The following SOX6 variants were observed in gnomAD, a reference collection of about 807,000 sequenced individuals.
SOX6 encodes SRY-box transcription factor 6, also known as transcription factor SOX-6.
Under a neutral mutation model 97.8 loss-of-function variants are expected in SOX6, and 11 were observed. The observed-to-expected ratio is 0.11, with a 90% CI of 0.07 to 0.19. SOX6 has a LOEUF of 0.19. SOX6 is among the 10% of genes least tolerant of loss of function. The pLI is 1.00. For synonymous variants in SOX6, 360 were observed against 371.4 expected, an observed-to-expected ratio of 0.97 and a Z score of 0.35; for missense variants, 810 against 1,039.5, an observed-to-expected ratio of 0.78 and a Z score of 3.04.
intron 4 of SOX6, among the ~76,000 whole-genome samples, chr11:16,510,160 G>A (rs2133150624): frequency 6.6e-6 from 1 of 152,090 alleles, no homozygotes; most frequent in Admixed American, 6.6e-5. Flanking sequence ...TTCAGAAGCT[G>A]TTAATTCACA....
At chr11:16,555,875 T>G (rs1323033564) in intron 4 of SOX6, among the ~76,000 whole-genome samples, 3 of 151,754 alleles carry the variant, frequency 2.0e-5, no homozygotes, top group Non-Finnish European at 3.0e-5. Flanking sequence ...TTGTTAAGTC[T>G]ATATCCAGAT....
intron 12 of SOX6, among the ~76,000 whole-genome samples, chr11:16,027,442 T>G (rs1340183310): frequency 6.6e-6 from 1 of 152,194 alleles, no homozygotes; most frequent in African/African-American, 2.4e-5. Context: ...AATTCAAGAA[T>G]GTTCTTAGTT....
At chr11:16,690,378 T>C (rs927501368) in intron 3 of SOX6, among the ~76,000 whole-genome samples, 2 of 152,226 alleles carry the variant, frequency 1.3e-5, no homozygotes, top group African/African-American at 4.8e-5. Context: ...CAGACTATTA[T>C]CTCTTTCATC....
chr11:16,422,705 G>A (rs990425640), intron 1 of SOX6, among the ~76,000 whole-genome samples: 1 of 152,160 alleles, frequency 6.6e-6, no homozygotes, highest in East Asian at 1.9e-4. Flanking sequence ...ACTAAATCAT[G>A]CACCCTGCAC....
At chr11:16,689,262 A>G (rs1488524475) in intron 3 of SOX6, among the ~76,000 whole-genome samples, 1 of 152,178 alleles carries the variant, frequency 6.6e-6, no homozygotes, top group African/African-American at 2.4e-5. Flanking sequence ...ACTTTAAAAT[A>G]GCTCTTTCCT....
intron 1 of SOX6, among the ~76,000 whole-genome samples, chr11:16,468,847 C>T (rs1860088695): frequency 6.6e-6 from 1 of 152,150 alleles, no homozygotes; most frequent in Non-Finnish European, 1.5e-5. Flanking sequence ...AAATGCCTAG[C>T]TCAGGCTGTG....
intron 3 of SOX6, among the ~76,000 whole-genome samples, chr11:16,236,596 TA>T (rs1300118469): frequency 1.3e-5 from 2 of 152,046 alleles, no homozygotes; most frequent in Admixed American, 1.3e-4. Flanking sequence ...CTTTTTTAGC[TA>T]AAGTTTGAGT....
intron 1 of SOX6, among the ~76,000 whole-genome samples, chr11:16,415,930 A>G (rs943831251): frequency 6.6e-6 from 1 of 152,202 alleles, no homozygotes; most frequent in South Asian, 2.1e-4. Flanking sequence ...GATTCTAGAT[A>G]GTCCTTTGAT....
chr11:16,072,885 C>A (rs1243792940), intron 9 of SOX6, among the ~76,000 whole-genome samples: 2 of 152,150 alleles, frequency 1.3e-5, no homozygotes, highest in Admixed American at 6.5e-5. Flanking sequence ...CCTTTCCAGA[C>A]AAGCAAGTAC....
intron 9 of SOX6, among the ~76,000 whole-genome samples, chr11:16,075,348 G>A (rs1487650473): frequency 4.6e-5 from 7 of 152,154 alleles, no homozygotes; most frequent in East Asian, 3.9e-4. Flanking sequence ...AGGCAAAAGA[G>A]TGTGCGCATG....
intron 12 of SOX6, among the ~76,000 whole-genome samples, chr11:16,016,578 G>T (rs1033403442): frequency 6.6e-6 from 1 of 152,006 alleles, no homozygotes; most frequent in Non-Finnish European, 1.5e-5. Context: ...TAACCCAGAT[G>T]CAGGACACAA....
chr11:16,101,451 GAA>G (rs1034607210), intron 7 of SOX6, among the ~76,000 whole-genome samples: 1 of 151,596 alleles, frequency 6.6e-6, no homozygotes, highest in Non-Finnish European at 1.5e-5. Flanking sequence ...GATCAATGAT[GAA>G]AAGAGTCTTG....
chr11:16,280,896 C>T (rs1375451552), intron 3 of SOX6, among the ~76,000 whole-genome samples: 1 of 151,950 alleles, frequency 6.6e-6, no homozygotes, highest in African/African-American at 2.4e-5. Context: ...CCTTAATTAT[C>T]GTTTTGTCAT....
chr11:16,070,216 C>T (rs1054850676), intron 9 of SOX6, among the ~76,000 whole-genome samples: 4 of 151,898 alleles, frequency 2.6e-5, no homozygotes, highest in African/African-American at 7.3e-5. Flanking sequence ...AGCTAAAGGT[C>T]CTCTTGACTA....
intron 9 of SOX6, among the ~76,000 whole-genome samples, chr11:16,062,412 C>T (rs1847981934): frequency 6.6e-6 from 1 of 151,598 alleles, no homozygotes; most frequent in African/African-American, 2.4e-5. Context: ...ACATATAATT[C>T]TCAGATCATA....
At chr11:16,149,934 A>C (rs569918108) in intron 6 of SOX6, among the ~76,000 whole-genome samples, 125 of 152,264 alleles carry the variant, frequency 8.2e-4, no homozygotes, top group African/African-American at 3.0e-3. Flanking sequence ...GGTTGTTTTG[A>C]CTACACCACT....
At chr11:16,146,157 T>C (rs532625006) in intron 6 of SOX6, among the ~76,000 whole-genome samples, 8 of 152,032 alleles carry the variant, frequency 5.3e-5, no homozygotes, top group Admixed American at 2.6e-4. Flanking sequence ...AACAGAGATA[T>C]AGACCAATGG....
intron 4 of SOX6, among the ~76,000 whole-genome samples, chr11:16,488,022 G>A (rs1223311547): frequency 1.3e-5 from 2 of 152,306 alleles, no homozygotes; most frequent in Admixed American, 6.5e-5. Flanking sequence ...CAACTTGCAT[G>A]TATGTGGCAC....
At chr11:16,547,394 A>G (rs1222875920) in intron 4 of SOX6, among the ~76,000 whole-genome samples, 2 of 151,990 alleles carry the variant, frequency 1.3e-5, no homozygotes, top group African/African-American at 4.8e-5. Context: ...AGATAAAGAA[A>G]TATATATATA....
Sources: gnomAD v4.1 joint callset for allele counts (sites outside exome capture counted in the v4.1 genomes callset) on GRCh38, gnomAD v4.1.1 for gene constraint, MANE v1.5 for transcripts, NCBI Gene and HGNC (gene_info 2026-07-23, HGNC 2026-07-21) for gene names.